Variants in C9 observed in about 807,000 individuals in gnomAD.
C9 encodes the protein complement component C9.
A neutral mutation model predicts 65.4 loss-of-function variants in C9; 63 were observed. The observed-to-expected ratio is 0.96, with a 90% CI of 0.79 to 1.19. The LOEUF (loss-of-function observed/expected upper bound fraction) is 1.19, where lower values mean the gene tolerates loss of function less well. C9 is among the 50% of genes most tolerant of loss of function. C9 has a pLI of 0.00. For synonymous variants in C9, 229 were observed against 227.9 expected (o/e 1.00, Z -0.04); for missense variants, 744 against 670.1 (o/e 1.11, Z -1.22).
At chr5:39,296,534 T>C (rs1437047100) in intron 9 of C9, among the ~76,000 whole-genome samples, 2 of 151,648 alleles carry the variant, frequency 1.3e-5, no homozygotes, top group Non-Finnish European at 3.0e-5. Flanking sequence ...TAGAACTATA[T>C]GAAGGTTCTT....
At chr5:39,344,665 C>G (rs1471935320) in intron 1 of C9, among the ~76,000 whole-genome samples, 1 of 152,090 alleles carries the variant, frequency 6.6e-6, no homozygotes, top group South Asian at 2.1e-4. Flanking sequence ...TCAGGAAATA[C>G]AGAGAATGCC....
At chr5:39,308,189 C>T (rs758327575) in intron 8 of C9, 41 bp downstream of exon 8, 13 of 1,587,390 alleles carry the variant, frequency 8.2e-6, no homozygotes, top group Non-Finnish European at 8.6e-6. Context: ...TGACATCTAC[C>T]CTCAGGCTTT....
At position 39,341,649 on chromosome 5, in the gene C9, T is replaced by C; in HGVS notation, c.235A>G (p.Thr79Ala). The change falls in exon 3 of 11, where the codon ACC becomes GCC. Residue 79 changes from threonine (T) to alanine (A), a missense_variant. By Grantham distance (58) the Thr-to-Ala change is moderately conservative. Transcript: ENST00000263408. ...VFGQFNGKRC[T>A]DAVGDRRQCV... Reference sequence around the variant, plus strand: ...TGTCGTCTGTCTCCCACAGCGTCGGTGCATCTTTTCCCATTAAATTGTCCA... The same window carrying C: ...TGTCGTCTGTCTCCCACAGCGTCGGCGCATCTTTTCCCATTAAATTGTCCA... 6.2e-7 allele frequency: 1 copy of C among 1,613,922 alleles called. No homozygotes were observed. The highest frequency in any genetic ancestry group is 8.5e-7 in the Non-Finnish European group (1 of 1,179,780).
At chr5:39,290,256 A>C (rs2111839497) in intron 9 of C9, among the ~76,000 whole-genome samples, 1 of 152,066 alleles carries the variant, frequency 6.6e-6, no homozygotes, top group East Asian at 1.9e-4. Flanking sequence ...AAAATTAAAA[A>C]GTTCTTATAA....
chr5:39,327,851 A>G (rs1261886445), intron 5 of C9, among the ~76,000 whole-genome samples: 1 of 152,212 alleles, frequency 6.6e-6, no homozygotes, highest in African/African-American at 2.4e-5. Context: ...GGATTCTCCA[A>G]AAGGGAGCTC....
chr5:39,364,470 T>G lies in C9; in HGVS notation c.-6A>C. ...AAGCTCCGGCAGGCTGACATGCTGC[T>G]CTTGCTGGGTGGCTGCGAGTGGGGT... On this transcript the variant is annotated 5_prime_UTR_variant, in exon 1 of 11. Transcript: ENST00000263408. The G allele has an allele frequency of 6.3e-7, 1 of 1,593,164 alleles. No homozygotes were observed. Among genetic ancestry groups the G allele is most frequent in the African/African-American group, 1.3e-5 (1 of 74,686 alleles).
intron 6 of C9, 90 bp downstream of exon 6, chr5:39,315,685 C>G: frequency 1.0e-6 from 1 of 989,996 alleles, no homozygotes; most frequent in Non-Finnish European, 1.5e-6. Flanking sequence ...GTTTCTTTTC[C>G]TTTTTATGAT....
At chr5:39,326,529 G>A (rs541978583) in intron 5 of C9, among the ~76,000 whole-genome samples, 1 of 152,216 alleles carries the variant, frequency 6.6e-6, no homozygotes, top group East Asian at 1.9e-4. Flanking sequence ...AACTCTCAGG[G>A]TTTTGCTCTC....
At chr5:39,356,609 T>C (rs1350162612) in intron 1 of C9, among the ~76,000 whole-genome samples, 1 of 152,264 alleles carries the variant, frequency 6.6e-6, no homozygotes, top group African/African-American at 2.4e-5. Flanking sequence ...TTGCCTTCAC[T>C]GTGCCAGCTA....
intron 6 of C9, among the ~76,000 whole-genome samples, chr5:39,312,858 C>T (rs909194931): frequency 6.6e-6 from 1 of 152,094 alleles, no homozygotes; most frequent in African/African-American, 2.4e-5. Flanking sequence ...ACATTGTTGT[C>T]ATCATGATTT....
chr5:39,291,253 A>C (rs915198951), intron 9 of C9, among the ~76,000 whole-genome samples: 8 of 127,076 alleles, frequency 6.3e-5, no homozygotes, highest in African/African-American at 2.0e-4. Flanking sequence ...GTTATTAAAA[A>C]TAGATTTGAA....
At chr5:39,313,934 C>T (rs1753529894) in intron 6 of C9, among the ~76,000 whole-genome samples, 1 of 152,156 alleles carries the variant, frequency 6.6e-6, no homozygotes, top group South Asian at 2.1e-4. Flanking sequence ...AAGCTTTCTC[C>T]ATCAGCAACT....
At chr5:39,351,894 G>A (rs926540492) in intron 1 of C9, among the ~76,000 whole-genome samples, 36 of 152,044 alleles carry the variant, frequency 2.4e-4, no homozygotes, top group African/African-American at 8.7e-4. Context: ...CACATTTTCA[G>A]GTATCTTTAA....
intron 10 of C9, among the ~76,000 whole-genome samples, chr5:39,286,906 T>G (rs1004814440): frequency 1.3e-5 from 2 of 151,950 alleles, no homozygotes; most frequent in Non-Finnish European, 2.9e-5. Flanking sequence ...TATTAAAAAT[T>G]TATATTGTAA....
At chr5:39,293,163 A>G (rs1366415079) in intron 9 of C9, among the ~76,000 whole-genome samples, 1 of 151,962 alleles carries the variant, frequency 6.6e-6, no homozygotes, top group Non-Finnish European at 1.5e-5. Flanking sequence ...GATATTCAGA[A>G]TAACCAGAAA....
At chr5:39,343,969 G>T (rs925474585) in intron 1 of C9, among the ~76,000 whole-genome samples, 1 of 152,178 alleles carries the variant, frequency 6.6e-6, no homozygotes. Flanking sequence ...GATCATGACT[G>T]CTAGAAGGAA....
At chr5:39,348,803 A>G (rs2081937985) in intron 1 of C9, among the ~76,000 whole-genome samples, 1 of 152,240 alleles carries the variant, frequency 6.6e-6, no homozygotes, top group African/African-American at 2.4e-5. Context: ...TGGATTAAGA[A>G]TATATGGCAC....
intron 5 of C9, among the ~76,000 whole-genome samples, chr5:39,325,265 A>G (rs1579859467): frequency 6.6e-6 from 1 of 152,190 alleles, no homozygotes; most frequent in South Asian, 2.1e-4. Context: ...TGCCAGAACC[A>G]TCTAGCCAAG....
chr5:39,292,471 T>A (rs1753114674), intron 9 of C9, among the ~76,000 whole-genome samples: 1 of 151,288 alleles, frequency 6.6e-6, no homozygotes, highest in Non-Finnish European at 1.5e-5. Flanking sequence ...TAATGCACAC[T>A]AAAAGAAATG....
Sources: allele counts gnomAD v4.1 joint callset (sites outside exome capture counted in the v4.1 genomes callset), GRCh38; gene constraint gnomAD v4.1.1; transcripts MANE v1.5; gene names NCBI Gene and HGNC (gene_info 2026-07-23, HGNC 2026-07-21).